C2orf69: variants seen among roughly 807,000 people sequenced by gnomAD.
C2orf69 encodes chromosome 2 open reading frame 69.
Under a neutral mutation model 29.5 loss-of-function variants are expected in C2orf69, and 19 were observed. That is an observed-to-expected ratio of 0.65 (90% CI 0.45 to 0.95). The LOEUF (loss-of-function observed/expected upper bound fraction) is 0.95, where lower values mean the gene tolerates loss of function less well. C2orf69 is among the 40% of genes least tolerant of loss of function. C2orf69 has a pLI of 0.00. For synonymous variants in C2orf69, 194 were observed against 180.0 expected, an observed-to-expected ratio of 1.08 and a Z score of -0.62; for missense variants, 416 against 482.1, an observed-to-expected ratio of 0.86 and a Z score of 1.28.
chr2:199,917,202 C>T (rs910820422), intron 1 of C2orf69, among the ~76,000 whole-genome samples: 1 of 152,184 alleles, frequency 6.6e-6, no homozygotes, highest in East Asian at 1.9e-4. Context: ...CACAAAGCAG[C>T]GAGGGCCTGG....
chr2:199,923,860 A>C (rs749256200), intron 1 of C2orf69, among the ~76,000 whole-genome samples: 15 of 152,106 alleles, frequency 9.9e-5, no homozygotes, highest in Non-Finnish European at 1.3e-4. Flanking sequence ...GGAGTTGTTT[A>C]TTGTGTATCT....
At position 199,911,787 on chromosome 2, in the gene C2orf69, C is replaced by T. The variant is rs1359231902; in HGVS notation, c.333+16C>T. 10 of 1,537,150 alleles carry T rather than the reference C, an allele frequency of 6.5e-6. No individual in the cohort carries two copies. The highest frequency in any genetic ancestry group is 5.9e-5 in the Admixed American group (3 of 50,968). On this transcript the variant is annotated intron_variant, in intron 1 of 1. Transcript: ENST00000319974. ...GGATGTGCAGGTAACTCGGGGCCTG[C>T]CTGGGTATCTGTTCCTTCCTCTCGT...
rs1376960560 is a variant in C2orf69, at chr2:199,911,582, G to A, written c.144G>A (p.Glu48=). ...GCGCGCGATGCTCCCTCTCGGCCGA[G>A]GTGCGCCGCCGTCAGTGCCTGCAGC... ...SGGARCSLSA[E]VRRRQCLQLS... Residue 48 remains glutamate (E), a synonymous_variant, in exon 1 of 2, where the codon GAG becomes GAA. Transcript: ENST00000319974. 1 of 1,549,658 alleles carries A rather than the reference G, an allele frequency of 6.5e-7. No individual in the cohort carries two copies. Among genetic ancestry groups the A allele is most frequent in the Non-Finnish European group, 8.7e-7 (1 of 1,146,656 alleles).
rs1553564840 is a variant in C2orf69 at position 199,913,250 on chromosome 2, T to TATTA, written c.333+1479_333+1480insATTA. 1.2e-4 allele frequency among the ~76,000 whole-genome samples: 10 copies of TATTA among 84,784 alleles called. No homozygotes were observed. In the South Asian group the frequency reaches 1.4e-3, roughly 12 times the overall value. 55.6% of individuals were successfully genotyped at this position (84,784 alleles called of 152,430 possible). A position where few individuals can be genotyped will look rare whatever the true frequency, so the allele number is the denominator to read the frequency against. ...TATATTATAATATATATAATATATA[T>TATTA]TATATAAAATATATTCTATAGAATA... On this transcript the variant is annotated intron_variant, in intron 1 of 1. Transcript: ENST00000319974.
At chr2:199,922,280 T>G (rs1299456265) in intron 1 of C2orf69, among the ~76,000 whole-genome samples, 2 of 151,728 alleles carry the variant, frequency 1.3e-5, no homozygotes, top group Non-Finnish European at 1.5e-5. Flanking sequence ...TGTTGTTGTT[T>G]TTTGTAGAGA....
Position 199,911,579 on chromosome 2 carries a change from C to T in C2orf69, c.141C>T (p.Ala47=). 4 of 1,549,656 alleles carry T rather than the reference C, an allele frequency of 2.6e-6. No homozygotes were observed. The highest frequency in any genetic ancestry group is 3.5e-6 in the Non-Finnish European group (4 of 1,146,660). ...GCGGCGCGCGATGCTCCCTCTCGGC[C>T]GAGGTGCGCCGCCGTCAGTGCCTGC... ...GSGGARCSLS[A]EVRRRQCLQL... Residue 47 remains alanine, a synonymous_variant, in exon 1 of 2, where the codon GCC becomes GCT. Coordinates refer to ENST00000319974, the MANE Select transcript of C2orf69 (RefSeq NM_153689.6).
rs758270132 is a variant in C2orf69, at chr2:199,925,719, G to T, written c.991G>T (p.Val331Leu). 1 of 1,613,948 alleles carries T rather than the reference G, an allele frequency of 6.2e-7. No homozygotes were observed. Among genetic ancestry groups the T allele is most frequent in the Non-Finnish European group, 8.5e-7 (1 of 1,179,848 alleles). Residue 331 changes from valine (V) to leucine (L), a missense_variant, in exon 2 of 2, where the codon GTA becomes TTA. By Grantham distance (32) the Val-to-Leu change is conservative. Around this residue, in one of 4 missense-constraint regions of C2orf69, gnomAD observed 225 missense variants for 307.3 expected, o/e 0.73. Transcript: ENST00000319974. The surrounding 1 kb of genome is among the most constrained non-coding windows in gnomAD (Gnocchi z 4.9). ...AACAGGAATTATCGTTCACACTCAT[G>T]TAACACCTTACCAAGTACGTGATCC... Reference protein sequence around the residue: ...AQTGIIVHTHVTPYQVRDPMR... With the variant: ...AQTGIIVHTHLTPYQVRDPMR...
At position 199,925,545 on chromosome 2, in the gene C2orf69, T is replaced by C; in HGVS notation, c.817T>C (p.Leu273=). 6.2e-7 allele frequency: 1 copy of C among 1,613,950 alleles called. No homozygotes were observed. The highest frequency in any genetic ancestry group is 8.5e-7 in the Non-Finnish European group (1 of 1,179,842). ...FSKGCVVLNQ[L]LFELKEAKKD... ...TAAAGGTTGTGTTGTTTTGAATCAG[T>C]TGCTTTTTGAATTGAAAGAAGCCAA... The change falls in exon 2 of 2, where the codon TTG becomes CTG. Residue 273 remains leucine (L), a synonymous_variant. Transcript: ENST00000319974. The surrounding 1 kb of genome is among the most constrained non-coding windows in gnomAD (Gnocchi z 4.9).
intron 1 of C2orf69, among the ~76,000 whole-genome samples, chr2:199,920,741 G>A (rs1034505917): frequency 4.0e-5 from 6 of 151,818 alleles, no homozygotes; most frequent in Non-Finnish European, 8.8e-5. Flanking sequence ...TGGATCACGA[G>A]GTCAGGAGAT....
chr2:199,918,837 T>C (rs1002212580), intron 1 of C2orf69, among the ~76,000 whole-genome samples: 113 of 152,346 alleles, frequency 7.4e-4, no homozygotes, highest in African/African-American at 2.5e-3. Flanking sequence ...TGGTTTTTGC[T>C]TTTTCTAGAA....
rs2077255782 is a variant in C2orf69 at position 199,911,361 on chromosome 2, G to C, written c.-78G>C. 4 of 1,371,840 alleles carry C rather than the reference G, an allele frequency of 2.9e-6. No homozygotes were observed. The South Asian group carries it at 6.9e-5, about 24-fold the overall frequency. The allele number at this position is 1,371,840 out of a possible 1,614,324, so 85.0% of individuals were successfully genotyped here. A position where few individuals can be genotyped will look rare whatever the true frequency, so the allele number is the denominator to read the frequency against. On this transcript the variant is annotated 5_prime_UTR_variant, in exon 1 of 2. Coordinates refer to ENST00000319974, the MANE Select transcript of C2orf69 (RefSeq NM_153689.6). ...GCCGCCGACCGTTGAGCCGCCGGCT[G>C]AGCCGCCTGCTGAAGTCCCTCCCTC...
At position 199,926,696 on chromosome 2, in the gene C2orf69, ATT is replaced by A. The variant is rs1388182426; in HGVS notation, c.*811_*812del. On this transcript the variant is annotated 3_prime_UTR_variant, in exon 2 of 2. Transcript: ENST00000319974. Reference sequence around the variant, plus strand: ...CTTAAGCACTATTGTTTAATTTTTAATTGTCAGTTTATCATTATTTTGGGTAA... The same window carrying A: ...CTTAAGCACTATTGTTTAATTTTTAAGTCAGTTTATCATTATTTTGGGTAA... 1 of 152,676 alleles carries A rather than the reference ATT, an allele frequency of 6.5e-6. No individual in the cohort carries two copies. The allele number at this position is 152,676 out of a possible 1,614,324, so 9.5% of individuals were successfully genotyped here.
In C2orf69 at chr2:199,928,095, G is replaced by C. The variant is rs1046340558; in HGVS notation, c.*2209G>C. On this transcript the variant is annotated 3_prime_UTR_variant, in exon 2 of 2. Coordinates refer to ENST00000319974, the MANE Select transcript of C2orf69 (RefSeq NM_153689.6). ...GTTGATCCATATTCAGATGTTTTCT[G>C]TTTAATACTTCAGATTGGTCCTTTG... 4 of 152,634 alleles carry C rather than the reference G, an allele frequency of 2.6e-5. No individual in the cohort carries two copies. Among genetic ancestry groups the C allele is most frequent in the African/African-American group, 9.6e-5 (4 of 41,558 alleles). The allele number at this position is 152,634 out of a possible 1,614,324, so 9.5% of individuals were successfully genotyped here. A position where few individuals can be genotyped will look rare whatever the true frequency, so the allele number is the denominator to read the frequency against.
chr2:199,916,641 AG>A lies in C2orf69; in HGVS notation c.333+4874del, dbSNP rs532828847. 2.1e-4 allele frequency among the ~76,000 whole-genome samples: 32 copies of A among 152,340 alleles called. No homozygotes were observed. In the East Asian group the frequency reaches 6.0e-3, roughly 29 times the overall value. ...AAATGGGAGAAATGGACCAAAACAA[AG>A]GGGCTACAGGCCCCATGCAGGTCCG... On this transcript the variant is annotated intron_variant, in intron 1 of 1. Transcript: ENST00000319974.
chr2:199,911,792 G>A lies in C2orf69; in HGVS notation c.333+21G>A, dbSNP rs1437979063. ...TGCAGGTAACTCGGGGCCTGCCTGG[G>A]TATCTGTTCCTTCCTCTCGTGTATA... On this transcript the variant is annotated intron_variant, in intron 1 of 1. Transcript: ENST00000319974. The A allele has an allele frequency of 4.6e-6, 7 of 1,536,896 alleles. No homozygotes were observed. The African/African-American group carries it at 5.5e-5, about 12-fold the overall frequency.
chr2:199,911,343 A>C lies in C2orf69; in HGVS notation c.-96A>C, dbSNP rs2106636263. The C allele has an allele frequency of 4.5e-6, 6 of 1,333,820 alleles. No homozygotes were observed. The highest frequency in any genetic ancestry group is 1.6e-5 in the African/African-American group (1 of 64,306). 82.6% of individuals were successfully genotyped at this position (1,333,820 alleles called of 1,614,324 possible). ...GCTCCCGGCCGGGCCGCGGCCGCCG[A>C]CCGTTGAGCCGCCGGCTGAGCCGCC... On this transcript the variant is annotated 5_prime_UTR_variant, in exon 1 of 2. Transcript: ENST00000319974.
rs1342269396 is a variant in C2orf69, at chr2:199,925,301, A to T, written c.573A>T (p.Leu191Phe). 6.2e-7 allele frequency: 1 copy of T among 1,612,118 alleles called. No homozygotes were observed. The highest frequency in any genetic ancestry group is 1.3e-5 in the African/African-American group (1 of 75,002). ...CTTTTAAGCACCTTTATATGTTATT[A>T]GTTAATGCTTTTAATTTAAGTCAGA... ...FGAFKHLYML[L>F]VNAFNLSQNS... The change falls in exon 2 of 2, where the codon TTA becomes TTT. Residue 191 changes from leucine to phenylalanine, a missense_variant. Physicochemically the swap from Leu to Phe is conservative, Grantham distance 22. Around this residue, in one of 4 missense-constraint regions of C2orf69, gnomAD observed 225 missense variants for 307.3 expected, o/e 0.73. Transcript: ENST00000319974. This position sits in a 1 kb window ranked among gnomAD's most constrained non-coding sequence, Gnocchi z 4.9.
At position 199,911,700 on chromosome 2, in the gene C2orf69, G is replaced by A; in HGVS notation, c.262G>A (p.Gly88Arg). 1 of 1,545,842 alleles carries A rather than the reference G, an allele frequency of 6.5e-7. No homozygotes were observed. Among genetic ancestry groups the A allele is most frequent in the Non-Finnish European group, 8.7e-7 (1 of 1,146,888 alleles). ...GEGLERQDLP[G>R]DPAKEEPQPP... ...GGGACTGGAGCGGCAGGACCTCCCCGGGGACCCAGCGAAGGAGGAGCCGCA... is the reference window on the plus strand; with the variant it reads ...GGGACTGGAGCGGCAGGACCTCCCCAGGGACCCAGCGAAGGAGGAGCCGCA... The change falls in exon 1 of 2, where the codon GGG becomes AGG. Residue 88 changes from glycine to arginine, a missense_variant. By Grantham distance (125) the Gly-to-Arg change is moderately radical. Coordinates refer to ENST00000319974, the MANE Select transcript of C2orf69 (RefSeq NM_153689.6).
chr2:199,911,546 C>T lies in C2orf69; in HGVS notation c.108C>T (p.Gly36=), dbSNP rs1200286158. The change falls in exon 1 of 2, where the codon GGC becomes GGT. Residue 36 remains glycine, a synonymous_variant. Coordinates refer to ENST00000319974, the MANE Select transcript of C2orf69 (RefSeq NM_153689.6). The part of the protein sequence containing the change: ...SCSQARTMNP[G]GSGGARCSLS... ...CTCAGGCCAGAACCATGAACCCGGG[C>T]GGCAGCGGCGGCGCGCGATGCTCCC... 1 of 1,549,676 alleles carries T rather than the reference C, an allele frequency of 6.5e-7. No individual in the cohort carries two copies. The highest frequency in any genetic ancestry group is 8.7e-7 in the Non-Finnish European group (1 of 1,146,694).
Sources: gnomAD v4.1 joint callset for allele counts (sites outside exome capture counted in the v4.1 genomes callset) on GRCh38, gnomAD v4.1.1 for gene constraint, gnomAD v4.1.1 regional missense constraint, Gnocchi (gnomAD v3.1) non-coding constraint, MANE v1.5 for transcripts, NCBI Gene and HGNC (gene_info 2026-07-23, HGNC 2026-07-21) for gene names.